HNF4A: variants seen among roughly 807,000 people sequenced by gnomAD.
The protein encoded by HNF4A is hepatocyte nuclear factor 4-alpha.
A neutral mutation model predicts 52.4 loss-of-function variants in HNF4A; 15 were observed. The observed-to-expected ratio is 0.29, with a 90% CI of 0.19 to 0.44. The LOEUF is 0.44. Ranked by LOEUF, HNF4A falls within the 20% of genes least tolerant of loss-of-function variation. HNF4A has a pLI of 1.00. For missense variants in HNF4A, 479 were observed against 647.2 expected, an observed-to-expected ratio of 0.74 and a Z score of 2.82; for synonymous variants, 280 against 264.4, an observed-to-expected ratio of 1.06 and a Z score of -0.57.
intron 1 of HNF4A, among the ~76,000 whole-genome samples, chr20:44,368,577 C>T (rs1462657353): frequency 1.3e-5 from 2 of 152,056 alleles, no homozygotes; most frequent in African/African-American, 4.8e-5. Context: ...AATGCTAGTT[C>T]TATTTACCCC....
Position 44,416,856 on chromosome 20 carries a change from C to T in HNF4A, c.649-1569C>T, listed in dbSNP as rs143286057. ...CTCTGACCTCCCCATCTAACGTAGC[C>T]ATTCTTGCCCCATTGCTCTCACCAT... On this transcript the variant is annotated intron_variant, in intron 5 of 9. Coordinates refer to ENST00000316099, the MANE Select transcript of HNF4A (RefSeq NM_000457.6). Among the ~76,000 whole-genome samples the T allele has an allele frequency of 5.3e-5, 8 of 152,286 alleles. No individual in the cohort carries two copies. In the East Asian group the frequency reaches 1.3e-3, roughly 26 times the overall value.
intron 1 of HNF4A, among the ~76,000 whole-genome samples, chr20:44,361,704 CAA>C (rs11477026): frequency 6.7e-6 from 1 of 149,132 alleles, no homozygotes; most frequent in Non-Finnish European, 1.5e-5. Context: ...AAAACAAAAC[CAA>C]AAAAAAACAA....
intron 1 of HNF4A, among the ~76,000 whole-genome samples, chr20:44,356,726 A>G (rs1398517702): frequency 6.6e-6 from 1 of 152,230 alleles, no homozygotes; most frequent in African/African-American, 2.4e-5. Flanking sequence ...TGACACAATA[A>G]AATTGGTGAC....
At chr20:44,371,476 G>C (rs928478499) in intron 1 of HNF4A, among the ~76,000 whole-genome samples, 11 of 151,982 alleles carry the variant, frequency 7.2e-5, no homozygotes. Flanking sequence ...ACGGGGTTTC[G>C]CCATGTTGGC....
chr20:44,361,211 C>G (rs566123003), intron 1 of HNF4A, among the ~76,000 whole-genome samples: 76 of 152,262 alleles, frequency 5.0e-4, no homozygotes, highest in Admixed American at 1.1e-3. Flanking sequence ...AATTTTGGGG[C>G]TCCACTCCAG....
At chr20:44,403,032 C>T (rs1181623354) in intron 1 of HNF4A, among the ~76,000 whole-genome samples, 5 of 152,212 alleles carry the variant, frequency 3.3e-5, no homozygotes, top group South Asian at 2.1e-4. Flanking sequence ...CTGAGGACCA[C>T]GCCAGGAGCG....
chr20:44,386,400 C>G (rs559581990), intron 1 of HNF4A, among the ~76,000 whole-genome samples: 3 of 152,024 alleles, frequency 2.0e-5, no homozygotes, highest in Admixed American at 2.0e-4. Context: ...CTCCTGAACT[C>G]AAGTGGTCCA....
upstream of HNF4A, among the ~76,000 whole-genome samples, chr20:44,400,749 G>A (rs981302022): frequency 6.6e-6 from 1 of 152,222 alleles, no homozygotes; most frequent in Non-Finnish European, 1.5e-5. Context: ...CCGGGAAACT[G>A]CGGGGGAACT....
chr20:44,356,312 A>G (rs1386606229), intron 1 of HNF4A, among the ~76,000 whole-genome samples: 1 of 152,080 alleles, frequency 6.6e-6, no homozygotes, highest in African/African-American at 2.4e-5. Flanking sequence ...GGCTCTGGAT[A>G]ATGGGGAGGA....
intron 1 of HNF4A, among the ~76,000 whole-genome samples, chr20:44,387,441 C>T (rs1345624786): frequency 1.3e-5 from 2 of 150,232 alleles, no homozygotes; most frequent in Non-Finnish European, 3.0e-5. Context: ...AGGTTGGACA[C>T]GGAGGGATAT....
intron 1 of HNF4A, among the ~76,000 whole-genome samples, chr20:44,369,900 G>C (rs2063013910): frequency 1.3e-5 from 2 of 152,044 alleles, no homozygotes; most frequent in Admixed American, 1.3e-4. Flanking sequence ...CCCGTGAGCC[G>C]CCGCGCCCGG....
chr20:44,387,053 AG>A (rs1337599433), intron 1 of HNF4A, among the ~76,000 whole-genome samples: 2 of 152,098 alleles, frequency 1.3e-5, no homozygotes, highest in Non-Finnish European at 2.9e-5. Flanking sequence ...CTGTAATCCC[AG>A]CACTCTGGGA....
chr20:44,383,337 C>A (rs1032466397), intron 1 of HNF4A, among the ~76,000 whole-genome samples: 2 of 152,120 alleles, frequency 1.3e-5, no homozygotes, highest in Admixed American at 1.3e-4. Context: ...TCATTATGGT[C>A]ACTATTTTGC....
At chr20:44,381,278 GCT>G (rs2063150173) in intron 1 of HNF4A, among the ~76,000 whole-genome samples, 1 of 121,672 alleles carries the variant, frequency 8.2e-6, no homozygotes, top group African/African-American at 3.6e-5. Context: ...ATCAGTGAGA[GCT>G]TTTTTTTTTT....
intron 1 of HNF4A, among the ~76,000 whole-genome samples, chr20:44,402,225 C>T (rs562283890): frequency 1.3e-5 from 2 of 152,018 alleles, no homozygotes; most frequent in East Asian, 3.9e-4. Context: ...CCGTGTTGAT[C>T]TTGCTTATGT....
intron 1 of HNF4A, chr20:44,402,697 G>A (rs922069172): frequency 5.2e-5 from 59 of 1,128,258 alleles, no homozygotes; most frequent in Non-Finnish European, 6.5e-5. Context: ...GAGCCCCATC[G>A]GTCCCAGGCC....
chr20:44,432,023 T>A lies in HNF4A; in HGVS notation c.*2358T>A, dbSNP rs557732423. The A allele has an allele frequency of 6.6e-6, 1 of 152,338 alleles. No individual in the cohort carries two copies. Among genetic ancestry groups the A allele is most frequent in the African/African-American group, 2.4e-5 (1 of 41,558 alleles). The allele number at this position is 152,338 out of a possible 1,614,324, so 9.4% of individuals were successfully genotyped here. ...CCAGACGGCTCAGCCTGGTCTGCGG[T>A]AAGGCAGGGAGGCTGGAACCATTTC... is the stretch of plus-strand genomic sequence containing the variant. On this transcript the variant is annotated 3_prime_UTR_variant, in exon 10 of 10. Coordinates refer to ENST00000316099, the MANE Select transcript of HNF4A (RefSeq NM_000457.6).
intron 1 of HNF4A, among the ~76,000 whole-genome samples, chr20:44,386,715 A>G (rs1033244370): frequency 6.6e-6 from 1 of 152,194 alleles, no homozygotes; most frequent in African/African-American, 2.4e-5. Context: ...TGCCAGGGAC[A>G]ATGTACAGGA....
chr20:44,423,273 G>GC (rs1395434164), intron 7 of HNF4A, among the ~76,000 whole-genome samples: 1 of 152,000 alleles, frequency 6.6e-6, no homozygotes, highest in African/African-American at 2.4e-5. Flanking sequence ...CCGAGATCAC[G>GC]CCACTGCACT....
Sources: allele counts gnomAD v4.1 joint callset (sites outside exome capture counted in the v4.1 genomes callset), GRCh38; gene constraint gnomAD v4.1.1; transcripts MANE v1.5; gene names NCBI Gene and HGNC (gene_info 2026-07-23, HGNC 2026-07-21).